ARHGAP42: variants seen among roughly 807,000 people sequenced by gnomAD.
The protein encoded by ARHGAP42 is Rho GTPase activating protein 42, also known as rho GTPase-activating protein 42.
In ARHGAP42, 63 loss-of-function variants were observed where a neutral mutation model predicts 125.0. The ratio of observed to expected loss-of-function variants is 0.50; its 90% CI spans 0.41 to 0.62. The LOEUF (loss-of-function observed/expected upper bound fraction) is 0.62. Ranked by LOEUF, ARHGAP42 falls within the 20% of genes least tolerant of loss-of-function variation. The pLI, the probability that ARHGAP42 is intolerant of heterozygous loss-of-function variation, is 0.00. For synonymous variants in ARHGAP42, 339 were observed against 351.0 expected (o/e 0.97, Z 0.38); for missense variants, 766 against 1,024.2 (o/e 0.75, Z 3.44).
At position 100,859,589 on chromosome 11, in the gene ARHGAP42, T is replaced by C; in HGVS notation, c.348T>C (p.Leu116=). ...CTAACGATGTATTAATTGCACCACT[T>C]GAGAAATTTCGAAAAGAACAGATAG... is the stretch of plus-strand genomic sequence containing the variant. ...QNANDVLIAP[L]EKFRKEQIGA... is the part of the protein sequence containing the mutation. Residue 116 remains leucine (L), a synonymous_variant, in exon 4 of 24, where the codon CTT becomes CTC. Coordinates refer to ENST00000298815, the MANE Select transcript of ARHGAP42 (RefSeq NM_152432.4). 1 of 1,523,964 alleles carries C rather than the reference T, an allele frequency of 6.6e-7. No individual in the cohort carries two copies. Among genetic ancestry groups the C allele is most frequent in the South Asian group, 1.3e-5 (1 of 77,956 alleles). The allele number at this position is 1,523,964 out of a possible 1,614,324, so 94.4% of individuals were successfully genotyped here. A position where few individuals can be genotyped will look rare whatever the true frequency, so the allele number is the denominator to read the frequency against.
At chr11:100,855,330 G>T (rs899372132) in intron 3 of ARHGAP42, among the ~76,000 whole-genome samples, 4 of 152,072 alleles carry the variant, frequency 2.6e-5, no homozygotes, top group Non-Finnish European at 5.9e-5. Context: ...TTAGTGATGA[G>T]CTGTGACTGG....
chr11:100,961,016 T>A, intron 14 of ARHGAP42, 27 bp downstream of exon 14: 2 of 1,484,918 alleles, frequency 1.3e-6, no homozygotes, highest in Non-Finnish European at 1.8e-6. Flanking sequence ...GCAACTTACA[T>A]AATTTTTGTG....
At chr11:100,710,276 G>A (rs1459759339) in intron 1 of ARHGAP42, among the ~76,000 whole-genome samples, 2 of 151,940 alleles carry the variant, frequency 1.3e-5, no homozygotes, top group Admixed American at 6.6e-5. Flanking sequence ...CTCCCAGACT[G>A]GAGTGCAGTG....
intron 4 of ARHGAP42, among the ~76,000 whole-genome samples, chr11:100,885,838 G>A (rs1333506604): frequency 6.6e-6 from 1 of 152,172 alleles, no homozygotes; most frequent in African/African-American, 2.4e-5. Flanking sequence ...GAAATTATAA[G>A]TTAAGGTAGA....
At chr11:100,895,493 C>CTTTTT (rs55789058) in intron 4 of ARHGAP42, among the ~76,000 whole-genome samples, 2 of 123,480 alleles carry the variant, frequency 1.6e-5, no homozygotes, top group Non-Finnish European at 3.4e-5. Flanking sequence ...AAAAGAGCAA[C>CTTTTT]TTTTTTTTTT....
At chr11:100,853,112 G>A (rs17095680) in intron 3 of ARHGAP42, among the ~76,000 whole-genome samples, 4,821 of 152,154 alleles carry the variant, frequency 0.032, 158 homozygotes, top group African/African-American at 0.083. Flanking sequence ...TTTCTTAAAT[G>A]CATACATTTT....
At chr11:100,761,241 C>T (rs1370676592) in intron 1 of ARHGAP42, among the ~76,000 whole-genome samples, 3 of 152,082 alleles carry the variant, frequency 2.0e-5, no homozygotes, top group African/African-American at 7.2e-5. Context: ...ACAGACAGTA[C>T]TTTACAAAGA....
rs563146075 is a variant in ARHGAP42, at chr11:100,816,536, A to G, written c.312+21370A>G. 2.4e-4 allele frequency among the ~76,000 whole-genome samples: 37 copies of G among 152,364 alleles called. 1 individual carries two copies. The highest frequency in any genetic ancestry group is 2.0e-3 in the Admixed American group (31 of 15,304). On this transcript the variant is annotated intron_variant, in intron 3 of 23. Coordinates refer to ENST00000298815, the MANE Select transcript of ARHGAP42 (RefSeq NM_152432.4). ...GTGATAGGGCAGATATTGTCAAAACATCAAACATTTTTTACTGTGCATTTT... is the reference window on the plus strand; with the variant it reads ...GTGATAGGGCAGATATTGTCAAAACGTCAAACATTTTTTACTGTGCATTTT...
intron 1 of ARHGAP42, among the ~76,000 whole-genome samples, chr11:100,734,461 A>G (rs1862024121): frequency 6.6e-6 from 1 of 151,518 alleles, no homozygotes; most frequent in Admixed American, 6.6e-5. Flanking sequence ...TCGTATTTTT[A>G]GTAGAGATGG....
At chr11:100,979,751 C>T (rs1376217714) in intron 22 of ARHGAP42, among the ~76,000 whole-genome samples, 1 of 151,600 alleles carries the variant, frequency 6.6e-6, no homozygotes, top group African/African-American at 2.4e-5. Context: ...ACACTCAATG[C>T]CTATTGTTGA....
intron 1 of ARHGAP42, among the ~76,000 whole-genome samples, chr11:100,762,080 C>T (rs755254502): frequency 6.6e-6 from 1 of 152,142 alleles, no homozygotes; most frequent in East Asian, 1.9e-4. Context: ...GACTTCTTTC[C>T]GGATCTGAGC....
chr11:100,717,352 T>C (rs1326403436), intron 1 of ARHGAP42, among the ~76,000 whole-genome samples: 2 of 152,028 alleles, frequency 1.3e-5, no homozygotes, highest in Non-Finnish European at 2.9e-5. Flanking sequence ...AGATACCATA[T>C]ATAGGCCGGG....
intron 8 of ARHGAP42, among the ~76,000 whole-genome samples, chr11:100,941,168 A>T (rs1867874544): frequency 6.6e-6 from 1 of 152,152 alleles, no homozygotes; most frequent in Admixed American, 6.5e-5. Context: ...GCCCTTGGGT[A>T]GGAATGCCTC....
At chr11:100,924,809 C>G (rs539316179) in intron 6 of ARHGAP42, among the ~76,000 whole-genome samples, 1 of 151,892 alleles carries the variant, frequency 6.6e-6, no homozygotes, top group African/African-American at 2.4e-5. Context: ...TAAAAGCATA[C>G]CTGAAATCAA....
chr11:100,831,358 A>G (rs1864659526), intron 3 of ARHGAP42, among the ~76,000 whole-genome samples: 1 of 152,224 alleles, frequency 6.6e-6, no homozygotes, highest in South Asian at 2.1e-4. Flanking sequence ...AAACTGTTCA[A>G]GAGAATGAAT....
chr11:100,961,778 G>A lies in ARHGAP42; in HGVS notation c.1385+10G>A, dbSNP rs764891675. The A allele has an allele frequency of 6.5e-7, 1 of 1,547,360 alleles. No individual in the cohort carries two copies. Among genetic ancestry groups the A allele is most frequent in the Non-Finnish European group, 8.7e-7 (1 of 1,143,076 alleles). Reference sequence around the variant, plus strand: ...TGAAAAACTACCTCAGGTGAGGAGGGTTTAACTCCTGGTACTCTGGATGTA... The same window carrying A: ...TGAAAAACTACCTCAGGTGAGGAGGATTTAACTCCTGGTACTCTGGATGTA... On this transcript the variant is annotated intron_variant, in intron 15 of 23. Coordinates refer to ENST00000298815, the MANE Select transcript of ARHGAP42 (RefSeq NM_152432.4).
Position 100,936,348 on chromosome 11 carries a change from A to G in ARHGAP42, c.832+16A>G, listed in dbSNP as rs1374842724. ...CAGGAGAAACGTGAGTCACAAAGAC[A>G]TAATTTCACGTCTCTTATGACTTAG... is the stretch of plus-strand genomic sequence containing the variant. On this transcript the variant is annotated intron_variant, in intron 8 of 23. Coordinates refer to ENST00000298815, the MANE Select transcript of ARHGAP42 (RefSeq NM_152432.4). 1 of 1,551,320 alleles carries G rather than the reference A, an allele frequency of 6.4e-7. No individual in the cohort carries two copies. The highest frequency in any genetic ancestry group is 2.0e-5 in the Admixed American group (1 of 50,970).
At chr11:100,712,584 G>A (rs1156603967) in intron 1 of ARHGAP42, among the ~76,000 whole-genome samples, 2 of 152,160 alleles carry the variant, frequency 1.3e-5, no homozygotes, top group Admixed American at 6.6e-5. Context: ...CAGGTGGTGG[G>A]AGGGAGGGAC....
intron 2 of ARHGAP42, among the ~76,000 whole-genome samples, chr11:100,790,431 T>C (rs1256050477): frequency 6.6e-6 from 1 of 152,198 alleles, no homozygotes; most frequent in East Asian, 1.9e-4. Context: ...CTCAATAATT[T>C]GTTAGAAAGT....
Sources: gnomAD v4.1 joint callset for allele counts (sites outside exome capture counted in the v4.1 genomes callset) on GRCh38, gnomAD v4.1.1 for gene constraint, MANE v1.5 for transcripts, NCBI Gene and HGNC (gene_info 2026-07-23, HGNC 2026-07-21) for gene names.